Variants in GALNTL6 observed in about 807,000 individuals in gnomAD.
The protein encoded by GALNTL6 is polypeptide N-acetylgalactosaminyltransferase like 6.
Under a neutral mutation model 73.7 loss-of-function variants are expected in GALNTL6, and 46 were observed. That is an observed-to-expected ratio of 0.62 (90% CI 0.49 to 0.80). The LOEUF (loss-of-function observed/expected upper bound fraction) is 0.80. Among genes scored for constraint, GALNTL6 ranks in the 30% least tolerant of loss-of-function variants. The pLI is 0.00. For synonymous variants in GALNTL6, 259 were observed against 263.7 expected (o/e 0.98, Z 0.17); for missense variants, 604 against 755.0 (o/e 0.80, Z 2.34).
intron 9 of GALNTL6, among the ~76,000 whole-genome samples, chr4:172,937,107 G>T (rs1385294161): frequency 6.6e-6 from 1 of 151,986 alleles, no homozygotes; most frequent in Non-Finnish European, 1.5e-5. Flanking sequence ...AGCCTTGGAA[G>T]ACCCTGGATG....
At chr4:171,976,537 T>TA in intron 2 of GALNTL6, among the ~76,000 whole-genome samples, 1 of 152,340 alleles carries the variant, frequency 6.6e-6, no homozygotes, top group Non-Finnish European at 1.5e-5. Flanking sequence ...TGAATACTTC[T>TA]AATGAGCTGA....
chr4:172,103,256 G>A (rs868662057), intron 2 of GALNTL6, among the ~76,000 whole-genome samples: 7 of 152,090 alleles, frequency 4.6e-5, no homozygotes, highest in African/African-American at 1.2e-4. Context: ...GTTTTTAACC[G>A]GAAGCCAGAA....
intron 3 of GALNTL6, among the ~76,000 whole-genome samples, chr4:172,239,895 C>T (rs1024513541): frequency 6.6e-6 from 1 of 152,166 alleles, no homozygotes; most frequent in Non-Finnish European, 1.5e-5. Flanking sequence ...CGACCAATCT[C>T]TTCTGTCTTA....
intron 2 of GALNTL6, among the ~76,000 whole-genome samples, chr4:171,951,720 C>A (rs1467192525): frequency 6.6e-6 from 1 of 151,620 alleles, no homozygotes; most frequent in Non-Finnish European, 1.5e-5. Flanking sequence ...AGTAAGAAAT[C>A]TGCGGAAAAA....
chr4:172,170,508 GT>G (rs1197633372), intron 2 of GALNTL6, among the ~76,000 whole-genome samples: 5,340 of 120,002 alleles, frequency 0.044, 65 homozygotes, highest in African/African-American at 0.078. Context: ...TTCTTTGGTG[GT>G]TTTTTTTTTT....
chr4:171,941,977 T>A (rs1480615021), intron 2 of GALNTL6, among the ~76,000 whole-genome samples: 2 of 152,182 alleles, frequency 1.3e-5, no homozygotes, highest in Non-Finnish European at 2.9e-5. Context: ...CGTAACCTTT[T>A]GTAGCTATTA....
intron 5 of GALNTL6, among the ~76,000 whole-genome samples, chr4:172,383,762 G>A (rs1366622573): frequency 2.6e-5 from 4 of 152,046 alleles, no homozygotes; most frequent in African/African-American, 9.7e-5. Context: ...TTTGGTAGAT[G>A]CTTTTCATCG....
chr4:171,914,932 T>TTATATTTAA (rs1737575937), intron 2 of GALNTL6, among the ~76,000 whole-genome samples: 1 of 152,020 alleles, frequency 6.6e-6, no homozygotes, highest in Non-Finnish European at 1.5e-5. Context: ...TCATTTTCAG[T>TTATATTTAA]TATATTTAAT....
At chr4:173,009,378 C>G (rs1752442959) in intron 11 of GALNTL6, 84 bp downstream of exon 11, 1 of 846,108 alleles carries the variant, frequency 1.2e-6, no homozygotes, top group Non-Finnish European at 2.0e-6. Context: ...GAACAAATCT[C>G]CGAATGGTGC....
chr4:171,940,291 G>A (rs1243699481), intron 2 of GALNTL6, among the ~76,000 whole-genome samples: 5 of 151,984 alleles, frequency 3.3e-5, no homozygotes, highest in African/African-American at 1.2e-4. Flanking sequence ...ATCAAAGAGT[G>A]GGTGGAAATG....
chr4:173,027,011 G>A (rs1325926833), intron 12 of GALNTL6, among the ~76,000 whole-genome samples: 1 of 151,902 alleles, frequency 6.6e-6, no homozygotes, highest in Admixed American at 6.6e-5. Flanking sequence ...TTTTTGAGAC[G>A]GACTTTCGCT....
At chr4:171,945,000 G>A (rs1738660427) in intron 2 of GALNTL6, among the ~76,000 whole-genome samples, 1 of 151,892 alleles carries the variant, frequency 6.6e-6, no homozygotes, top group African/African-American at 2.4e-5. Flanking sequence ...AATATTAGTG[G>A]CAGGACAATG....
intron 5 of GALNTL6, among the ~76,000 whole-genome samples, chr4:172,534,646 G>A (rs1735281216): frequency 6.6e-6 from 1 of 151,892 alleles, no homozygotes; most frequent in African/African-American, 2.4e-5. Flanking sequence ...TTGGCTCACT[G>A]CAACCTCCGC....
At chr4:172,378,141 C>T (rs574589078) in intron 5 of GALNTL6, among the ~76,000 whole-genome samples, 30 of 152,218 alleles carry the variant, frequency 2.0e-4, no homozygotes, top group African/African-American at 2.9e-4. Context: ...CCAAAAGAGC[C>T]GCCCGAGTTA....
intron 5 of GALNTL6, among the ~76,000 whole-genome samples, chr4:172,685,822 G>A (rs1338923220): frequency 6.6e-6 from 1 of 152,162 alleles, no homozygotes; most frequent in African/African-American, 2.4e-5. Flanking sequence ...GAGCGGGGAT[G>A]TCTACTTCTG....
chr4:173,017,430 A>C (rs1752826734), intron 11 of GALNTL6, among the ~76,000 whole-genome samples: 1 of 152,238 alleles, frequency 6.6e-6, no homozygotes. Context: ...AATGAATATA[A>C]TTCAATGAAT....
chr4:171,965,658 A>G (rs1247392320), intron 2 of GALNTL6, among the ~76,000 whole-genome samples: 1 of 2,140 alleles, frequency 4.7e-4, no homozygotes, highest in East Asian at 0.025. Flanking sequence ...TCCGTCTCAG[A>G]AAAAAAAAAA....
intron 2 of GALNTL6, among the ~76,000 whole-genome samples, chr4:172,112,148 T>C (rs1234487419): frequency 1.3e-5 from 2 of 152,062 alleles, no homozygotes; most frequent in African/African-American, 2.4e-5. Flanking sequence ...ATCCATCCAG[T>C]ATTTAGCCTT....
chr4:172,465,333 C>T lies in GALNTL6; in HGVS notation c.553+116644C>T, dbSNP rs947096089. Among the ~76,000 whole-genome samples the T allele has an allele frequency of 5.3e-5, 8 of 151,830 alleles. No homozygotes were observed. In the East Asian group the frequency reaches 1.5e-3, roughly 29 times the overall value. ...TCTACTAAAAATACCAAATATTAGC[C>T]GGGCATGGTGGTGAGCGTCTGTAGT... On this transcript the variant is annotated intron_variant, in intron 5 of 12. Transcript: ENST00000506823.
Sources: gnomAD v4.1 joint callset for allele counts (sites outside exome capture counted in the v4.1 genomes callset) on GRCh38, gnomAD v4.1.1 for gene constraint, MANE v1.5 for transcripts, NCBI Gene and HGNC (gene_info 2026-07-23, HGNC 2026-07-21) for gene names.